Variants in METTL22 observed in about 807,000 individuals in gnomAD.
METTL22 encodes the protein methyltransferase 22, Kin17 lysine.
In METTL22, 51 loss-of-function variants were observed where a neutral mutation model predicts 48.4. The ratio of observed to expected loss-of-function variants is 1.05; its 90% CI spans 0.84 to 1.33. The LOEUF (loss-of-function observed/expected upper bound fraction) is 1.33, where lower values mean the gene tolerates loss of function less well. METTL22 is among the 40% of genes most tolerant of loss of function. The pLI is 0.00. For synonymous variants in METTL22, 255 were observed against 214.1 expected (o/e 1.19, Z -1.67); for missense variants, 678 against 526.9 (o/e 1.29, Z -2.81).
chr16:8,641,744 A>C, intron 7 of METTL22: 1 of 402,946 alleles, frequency 2.5e-6, no homozygotes, highest in South Asian at 2.2e-5. Flanking sequence ...CGGCCCTCCC[A>C]ATAGTCCTGT....
rs140348832 is a variant in METTL22, at chr16:8,630,384, C to T, written c.514+1274C>T. On this transcript the variant is annotated intron_variant, in intron 3 of 10. Transcript: ENST00000381920. ...TTTCACAGAGGAAGAGACTGAGGCT[C>T]AGCGAGGTTGAGGAACTTGCTGGGG... Among the ~76,000 whole-genome samples the T allele has an allele frequency of 1.4e-3, 213 of 152,256 alleles. 1 individual carries two copies. Among genetic ancestry groups the T allele is most frequent in the African/African-American group, 4.7e-3 (194 of 41,556 alleles).
At chr16:8,657,820 C>CTTTTTTTTT in the METTL22 span, among the ~76,000 whole-genome samples, 432 of 137,248 alleles carry the variant, frequency 3.1e-3, 15 homozygotes, top group African/African-American at 0.012. Context: ...CTTTTCTTTT[C>CTTTTTTTTT]TTTCTTTTTT....
downstream of METTL22, among the ~76,000 whole-genome samples, chr16:8,653,990 C>G (rs76927649): frequency 2.9e-3 from 439 of 152,284 alleles, 1 homozygote; most frequent in African/African-American, 0.01. Flanking sequence ...CACCACTGCA[C>G]TCCAGACTGG....
At chr16:8,651,386 CA>C (rs768911703), downstream of METTL22, among the ~76,000 whole-genome samples, 1,808 of 49,104 alleles carry the variant, frequency 0.037, 159 homozygotes, top group African/African-American at 0.14. Flanking sequence ...GACTCTGTCT[CA>C]AAAAAAAAAA....
chr16:8,629,881 G>A (rs189570935), intron 3 of METTL22, among the ~76,000 whole-genome samples: 22 of 152,216 alleles, frequency 1.4e-4, no homozygotes, highest in African/African-American at 4.8e-4. Context: ...CACTAGTATC[G>A]AGTGGCCTAG....
chr16:8,639,203 C>G, intron 6 of METTL22, 41 bp downstream of exon 6: 1 of 1,603,552 alleles, frequency 6.2e-7, no homozygotes, highest in Non-Finnish European at 8.5e-7. Flanking sequence ...GGAGGTTTCT[C>G]TGTTTAGCAG....
chr16:8,666,294 G>A, the METTL22 span, among the ~76,000 whole-genome samples: 1 of 152,162 alleles, frequency 6.6e-6, no homozygotes. Flanking sequence ...CCGGCTCCCA[G>A]TGTTCCCCAA....
In METTL22 at chr16:8,644,708, G is replaced by A. The variant is rs532300551; in HGVS notation, c.1162G>A (p.Glu388Lys). The change falls in exon 10 of 11, where the codon GAG becomes AAG. Residue 388 changes from glutamate to lysine, a missense_variant. Physicochemically the swap from Glu to Lys is moderately conservative, Grantham distance 56. Transcript: ENST00000381920. ...CTCCTTCCCACAGCTCCTGGTTTAC[G>A]AGCGCCTCCAGCAACTGGTAGGTCC... ...EASFPQLLVY[E>K]RLQQLELWKI... 6.6e-5 allele frequency: 105 copies of A among 1,592,980 alleles called. 1 individual carries two copies. The South Asian group carries it at 7.9e-4, about 12-fold the overall frequency.
Position 8,629,181 on chromosome 16 carries a change from A to G in METTL22, c.514+71A>G, listed in dbSNP as rs1415004222. 5 of 1,547,500 alleles carry G rather than the reference A, an allele frequency of 3.2e-6. No homozygotes were observed. In the South Asian group the frequency reaches 3.6e-5, roughly 11 times the overall value. ...GCAGTGTCACTGCTCAGGGCTCAGT[A>G]TGATCTGAGCGTGGACTCTGCAGGC... On this transcript the variant is annotated intron_variant, in intron 3 of 10. Transcript: ENST00000381920.
At chr16:8,639,484 C>T in intron 6 of METTL22, 1 of 365,892 alleles carries the variant, frequency 2.7e-6, no homozygotes, top group East Asian at 5.0e-5. Context: ...TCCAGAGTGC[C>T]CTTTCTCAGA....
intron 3 of METTL22, among the ~76,000 whole-genome samples, chr16:8,629,600 GA>G (rs1447029287): frequency 6.6e-6 from 1 of 152,202 alleles, no homozygotes; most frequent in Non-Finnish European, 1.5e-5. Context: ...GGACCAGTCA[GA>G]TGGACTGGGA....
chr16:8,628,696 G>T (rs746051945), intron 2 of METTL22, 34 bp from the exon 3 acceptor site: 1 of 1,560,776 alleles, frequency 6.4e-7, no homozygotes, highest in Non-Finnish European at 8.6e-7. Flanking sequence ...AAACATCTTG[G>T]AATTCTCATT....
downstream of METTL22, among the ~76,000 whole-genome samples, chr16:8,652,098 T>C (rs1284752094): frequency 6.6e-6 from 1 of 152,060 alleles, no homozygotes; most frequent in Non-Finnish European, 1.5e-5. Context: ...GGGCTGCCAG[T>C]TGGGGGAGAA....
At chr16:8,665,783 CG>C in the METTL22 span, among the ~76,000 whole-genome samples, 2 of 152,148 alleles carry the variant, frequency 1.3e-5, no homozygotes, top group Admixed American at 1.3e-4. Flanking sequence ...CCTGGCCAGG[CG>C]GAGACACCCC....
chr16:8,628,678 A>T (rs771167063), intron 2 of METTL22, 52 bp from the exon 3 acceptor site: 3 of 1,544,026 alleles, frequency 1.9e-6, no homozygotes, highest in Non-Finnish European at 2.6e-6. Context: ...AGAGGAAGGT[A>T]AAAAAGAAAA....
Position 8,635,154 on chromosome 16 carries a change from C to T in METTL22, c.556-14C>T, listed in dbSNP as rs116928307. Reference sequence around the variant, plus strand: ...CCTCACGCTGCTTGTCGCTCCTTGTCCTCTTCCCTCCAGGTGTGGCGGGGC... The same window carrying T: ...CCTCACGCTGCTTGTCGCTCCTTGTTCTCTTCCCTCCAGGTGTGGCGGGGC... On this transcript the variant is annotated splice_polypyrimidine_tract_variant and intron_variant, in intron 4 of 10. Coordinates refer to ENST00000381920, the MANE Select transcript of METTL22 (RefSeq NM_024109.4). The T allele has an allele frequency of 0.018, 28,579 of 1,613,426 alleles. 251 individuals are homozygous for T. Among genetic ancestry groups the T allele is most frequent in the Middle Eastern group, 0.028 (162 of 5,890 alleles).
the METTL22 span, among the ~76,000 whole-genome samples, chr16:8,656,435 A>T: frequency 6.6e-6 from 1 of 152,136 alleles, no homozygotes; most frequent in Non-Finnish European, 1.5e-5. Flanking sequence ...CAACTGCACA[A>T]CTAACTATTG....
At position 8,646,789 on chromosome 16, in the gene METTL22, G is replaced by C. The variant is rs997235377; in HGVS notation, c.*646G>C. The C allele has an allele frequency of 2.4e-6, 1 of 418,518 alleles. No homozygotes were observed. Among genetic ancestry groups the C allele is most frequent in the Admixed American group, 2.6e-5 (1 of 38,826 alleles). 25.9% of individuals were successfully genotyped at this position (418,518 alleles called of 1,614,324 possible). ...TGCAGCTGACCAGGGTTTGTGCAGT[G>C]ATCTTCCTCAGAGGTGTTCCCTTCC... On this transcript the variant is annotated 3_prime_UTR_variant, in exon 11 of 11. Coordinates refer to ENST00000381920, the MANE Select transcript of METTL22 (RefSeq NM_024109.4).
chr16:8,650,357 G>A (rs2056876716), downstream of METTL22, among the ~76,000 whole-genome samples: 1 of 152,224 alleles, frequency 6.6e-6, no homozygotes, highest in African/African-American at 2.4e-5. Flanking sequence ...CAACTCCGGA[G>A]TTGAGCAAGC....
Sources: allele counts gnomAD v4.1 joint callset (sites outside exome capture counted in the v4.1 genomes callset), GRCh38; gene constraint gnomAD v4.1.1; transcripts MANE v1.5; gene names NCBI Gene and HGNC (gene_info 2026-07-23, HGNC 2026-07-21).